PLAGL1: variants seen among roughly 807,000 people sequenced by gnomAD.
PLAGL1 encodes the protein PLAG1 like zinc finger 1, also known as zinc finger protein PLAGL1.
In PLAGL1, 1 loss-of-function variant was observed where a neutral mutation model predicts 4.6. That is an observed-to-expected ratio of 0.22 (90% CI 0.08 to 1.03). The LOEUF is 1.03. PLAGL1 is among the 50% of genes least tolerant of loss of function. PLAGL1 has a pLI of 0.58. For missense variants in PLAGL1, 464 were observed against 570.4 expected (o/e 0.81, Z 1.90); for synonymous variants, 240 against 237.8 (o/e 1.01, Z -0.08).
Position 143,952,925 on chromosome 6 carries a change from A to G in PLAGL1, c.-324-4465T>C, listed in dbSNP as rs1330599340. Among the ~76,000 whole-genome samples the G allele has an allele frequency of 6.6e-6, 1 of 152,226 alleles. No homozygotes were observed. Among genetic ancestry groups the G allele is most frequent in the Non-Finnish European group, 1.5e-5 (1 of 68,038 alleles). On this transcript the variant is annotated intron_variant, in intron 6 of 7. Transcript: ENST00000674357. The surrounding 1 kb of genome is among the most constrained non-coding windows in gnomAD (Gnocchi z 6.1). ...TTTAAAAAAGCTATTTAGAAATGTC[A>G]TCAGGAGAAAGATGATATCCAGAAC...
At position 144,056,567 on chromosome 6, in the gene PLAGL1, C is replaced by T. The variant is rs1395191653; in HGVS notation, c.-151+7901G>A. Among the ~76,000 whole-genome samples, 1 of 152,224 alleles carries T rather than the reference C, an allele frequency of 6.6e-6. No individual in the cohort carries two copies. Among genetic ancestry groups the T allele is most frequent in the African/African-American group, 2.4e-5 (1 of 41,462 alleles). On this transcript the variant is annotated intron_variant, in intron 1 of 3. Transcript: ENST00000437412. This position sits in a 1 kb window ranked among gnomAD's most constrained non-coding sequence, Gnocchi z 4.7. ...CATAGTTCTGCCTTCTCTAGAATGTCATACAGTAGGTAGCCCTTTCAGGTT... is the reference window on the plus strand; with the variant it reads ...CATAGTTCTGCCTTCTCTAGAATGTTATACAGTAGGTAGCCCTTTCAGGTT...
chr6:143,967,988 G>A, intron 3 of PLAGL1: 1 of 93,248 alleles, frequency 1.1e-5, no homozygotes, highest in Admixed American at 1.4e-4. Context: ...GACCATCAAG[G>A]ACATTTTGCA....
chr6:143,968,014 A>C lies in PLAGL1; in HGVS notation c.-472+893T>G, dbSNP rs985627994. ...ACATTTTGCAAAAAAAAAAAAAAAAAAAAACAGTCTGGAGAGAGGCCAAGA... is the reference window on the plus strand; with the variant it reads ...ACATTTTGCAAAAAAAAAAAAAAAACAAAACAGTCTGGAGAGAGGCCAAGA... On this transcript the variant is annotated intron_variant, in intron 3 of 7. Coordinates refer to ENST00000674357, the MANE Select transcript of PLAGL1 (RefSeq NM_001317162.2). This position sits in a 1 kb window ranked among gnomAD's most constrained non-coding sequence, Gnocchi z 6.3. 2 of 151,498 alleles carry C rather than the reference A, an allele frequency of 1.3e-5. No individual in the cohort carries two copies. Among genetic ancestry groups the C allele is most frequent in the African/African-American group, 4.8e-5 (2 of 41,290 alleles). 9.4% of individuals were successfully genotyped at this position (151,498 alleles called of 1,614,324 possible).
intron 1 of PLAGL1, among the ~76,000 whole-genome samples, chr6:144,032,654 TGGG>T (rs1796919173): frequency 6.6e-6 from 1 of 152,176 alleles, no homozygotes; most frequent in African/African-American, 2.4e-5. Context: ...GTCCGCCTCC[TGGG>T]CTCTAGCAAT....
chr6:144,052,752 GA>G (rs1798668574), intron 1 of PLAGL1, among the ~76,000 whole-genome samples: 1 of 152,132 alleles, frequency 6.6e-6, no homozygotes, highest in Admixed American at 6.5e-5. Flanking sequence ...AAATGTGGGG[GA>G]GGGGGTTGTG....
At chr6:144,014,390 C>T (rs1345719844) in intron 1 of PLAGL1, among the ~76,000 whole-genome samples, 7 of 151,946 alleles carry the variant, frequency 4.6e-5, no homozygotes, top group Admixed American at 3.3e-4. Flanking sequence ...GATTGCACCA[C>T]TGCACTCCAG....
In PLAGL1 at chr6:143,990,926, T is replaced by G. The variant is rs552854216; in HGVS notation, c.-583-5752A>C. Among the ~76,000 whole-genome samples, 289 of 152,384 alleles carry G rather than the reference T, an allele frequency of 1.9e-3. 1 individual carries two copies. The highest frequency in any genetic ancestry group is 3.4e-3 in the Middle Eastern group (1 of 294). ...AATGTTTTCTGTGTTGACCACTTGG[T>G]GTCAATTATTTAATTGTTCCAACCA... On this transcript the variant is annotated intron_variant, in intron 1 of 7. Coordinates refer to ENST00000674357, the MANE Select transcript of PLAGL1 (RefSeq NM_001317162.2). This position sits in a 1 kb window ranked among gnomAD's most constrained non-coding sequence, Gnocchi z 5.4.
At position 143,973,142 on chromosome 6, in the gene PLAGL1, C is replaced by T. The variant is rs1050656094; in HGVS notation, c.-543-4164G>A. The stretch of plus-strand genomic sequence containing the variant: ...ATAAACAGAGGCAGTGAATTCCCCA[C>T]GGCTTCACAAAGCTAGTTAGGCAGA... On this transcript the variant is annotated intron_variant, in intron 2 of 7. Transcript: ENST00000674357. The surrounding 1 kb of genome is among the most constrained non-coding windows in gnomAD (Gnocchi z 6.2). Among the ~76,000 whole-genome samples, 5 of 152,182 alleles carry T rather than the reference C, an allele frequency of 3.3e-5. No homozygotes were observed. Among genetic ancestry groups the T allele is most frequent in the South Asian group, 2.1e-4 (1 of 4,834 alleles).
Position 143,941,885 on chromosome 6 carries a change from A to C in PLAGL1, c.931T>G (p.Ser311Ala). ...TTGAGGGGCAGGCTTGCAAGTGGGGAGTATGAGGTAGAAGTGGTGTTGTAC... is the reference window on the plus strand; with the variant it reads ...TTGAGGGGCAGGCTTGCAAGTGGGGCGTATGAGGTAGAAGTGGTGTTGTAC... ...HKYNTTSTSY[S>A]PLASLPLKAD... The change falls in exon 8 of 8, where the codon TCC (serine) becomes GCC (alanine). Residue 311 changes from serine to alanine, a missense_variant. Transcript: ENST00000674357. The surrounding 1 kb of genome is among the most constrained non-coding windows in gnomAD (Gnocchi z 6.0). 6.2e-7 allele frequency: 1 copy of C among 1,613,814 alleles called. No homozygotes were observed. Among genetic ancestry groups the C allele is most frequent in the Non-Finnish European group, 8.5e-7 (1 of 1,179,986 alleles).
chr6:144,053,678 G>A lies in PLAGL1; in HGVS notation c.-151+10790C>T, dbSNP rs1798741745. On this transcript the variant is annotated intron_variant, in intron 1 of 3. Transcript: ENST00000437412. The surrounding 1 kb of genome is among the most constrained non-coding windows in gnomAD (Gnocchi z 4.0). ...AGAAACTTACCACCTAAAAGTTTAG[G>A]CTTCGGGGATGGCAAATACATGGAA... Among the ~76,000 whole-genome samples, 1 of 152,138 alleles carries A rather than the reference G, an allele frequency of 6.6e-6. No homozygotes were observed. Among genetic ancestry groups the A allele is most frequent in the African/African-American group, 2.4e-5 (1 of 41,420 alleles).
At chr6:144,043,457 G>T (rs573170851) in intron 1 of PLAGL1, among the ~76,000 whole-genome samples, 1 of 152,078 alleles carries the variant, frequency 6.6e-6, no homozygotes, top group African/African-American at 2.4e-5. Flanking sequence ...CTTTGGTTCT[G>T]TTTATGTGAT....
At chr6:144,041,187 C>T (rs4629703) in intron 1 of PLAGL1, among the ~76,000 whole-genome samples, 122,236 of 151,888 alleles carry the variant, frequency 0.8, 49,427 homozygotes, top group Non-Finnish European at 0.86. Flanking sequence ...TTCCAACTTT[C>T]TATATATATA....
chr6:143,995,430 T>A lies in PLAGL1; in HGVS notation c.-583-10256A>T, dbSNP rs568580267. 4.7e-4 allele frequency among the ~76,000 whole-genome samples: 72 copies of A among 152,306 alleles called. No homozygotes were observed. Among genetic ancestry groups the A allele is most frequent in the Non-Finnish European group, 7.8e-4 (53 of 68,020 alleles). On this transcript the variant is annotated intron_variant, in intron 1 of 7. Transcript: ENST00000674357. The surrounding 1 kb of genome is among the most constrained non-coding windows in gnomAD (Gnocchi z 4.4). ...GAAAGGGGATAAATGTTAAACTAAT[T>A]TGAGGAATAAGTTAAGCCAAGGAAA... is the stretch of plus-strand genomic sequence containing the variant.
chr6:144,019,840 T>C (rs1795845666), intron 1 of PLAGL1, among the ~76,000 whole-genome samples: 1 of 151,100 alleles, frequency 6.6e-6, no homozygotes, highest in Non-Finnish European at 1.5e-5. Flanking sequence ...CATCTGATTA[T>C]GATGTTCCTT....
At position 143,994,374 on chromosome 6, in the gene PLAGL1, T is replaced by C. The variant is rs1791197397; in HGVS notation, c.-583-9200A>G. Among the ~76,000 whole-genome samples the C allele has an allele frequency of 6.6e-6, 1 of 152,200 alleles. No homozygotes were observed. The highest frequency in any genetic ancestry group is 2.1e-4 in the South Asian group (1 of 4,830). ...ACTGTGTCATCTGAGAATATGAACA[T>C]CTTTCCTCCGCTGTTTAAAAGCAAT... On this transcript the variant is annotated intron_variant, in intron 1 of 7. Coordinates refer to ENST00000674357, the MANE Select transcript of PLAGL1 (RefSeq NM_001317162.2). This position sits in a 1 kb window ranked among gnomAD's most constrained non-coding sequence, Gnocchi z 4.3.
At chr6:144,031,947 A>T (rs1796863103) in intron 1 of PLAGL1, among the ~76,000 whole-genome samples, 1 of 152,162 alleles carries the variant, frequency 6.6e-6, no homozygotes, top group African/African-American at 2.4e-5. Flanking sequence ...TGGTAGTATG[A>T]TCAATTTCAC....
chr6:144,016,215 A>C lies in PLAGL1; in HGVS notation c.-150-47237T>G, dbSNP rs952129443. Among the ~76,000 whole-genome samples the C allele has an allele frequency of 6.6e-6, 1 of 152,176 alleles. No individual in the cohort carries two copies. Among genetic ancestry groups the C allele is most frequent in the Non-Finnish European group, 1.5e-5 (1 of 68,036 alleles). ...TGTCTGCAAGCTGAGGAGAAAGGAG[A>C]GCCAGTCCGAGTCCCAAAACTGAAG... On this transcript the variant is annotated intron_variant, in intron 1 of 3. Coordinates refer to the PLAGL1 transcript ENST00000437412. The surrounding 1 kb of genome is among the most constrained non-coding windows in gnomAD (Gnocchi z 4.2).
At chr6:143,956,170 A>G (rs1782080286) in intron 6 of PLAGL1, among the ~76,000 whole-genome samples, 1 of 152,120 alleles carries the variant, frequency 6.6e-6, no homozygotes, top group Non-Finnish European at 1.5e-5. Context: ...CCTGTCAGTG[A>G]CTCACGTGTT....
chr6:144,011,913 C>T (rs1342625369), upstream of PLAGL1, among the ~76,000 whole-genome samples: 1 of 152,210 alleles, frequency 6.6e-6, no homozygotes, highest in South Asian at 2.1e-4. The surrounding 1 kb of genome is among the most constrained non-coding windows in gnomAD (Gnocchi z 4.3). Context: ...CAAGATCCAA[C>T]AGTGGTATGC....
Sources: allele counts gnomAD v4.1 joint callset (sites outside exome capture counted in the v4.1 genomes callset), GRCh38; gene constraint gnomAD v4.1.1; non-coding constraint Gnocchi (gnomAD v3.1); transcripts MANE v1.5; gene names NCBI Gene and HGNC (gene_info 2026-07-23, HGNC 2026-07-21).